Variants in HSF1 observed in about 807,000 individuals in gnomAD.
HSF1 encodes the protein heat shock transcription factor 1, also known as heat shock factor protein 1.
Under a neutral mutation model 51.7 loss-of-function variants are expected in HSF1, and 32 were observed. The ratio of observed to expected loss-of-function variants is 0.62; its 90% CI spans 0.47 to 0.83. The LOEUF (loss-of-function observed/expected upper bound fraction) is 0.83. HSF1 is among the 40% of genes least tolerant of loss of function. The pLI, the probability that HSF1 is intolerant of heterozygous loss-of-function variation, is 0.00. For synonymous variants in HSF1, 396 were observed against 309.7 expected, an observed-to-expected ratio of 1.28 and a Z score of -2.92; for missense variants, 727 against 717.0, an observed-to-expected ratio of 1.01 and a Z score of -0.16.
rs370311584 is a variant in HSF1, at chr8:144,312,251, G to A, written c.1142+7G>A. On this transcript the variant is annotated splice_region_variant and intron_variant, in intron 9 of 12. Coordinates refer to ENST00000528838, the MANE Select transcript of HSF1 (RefSeq NM_005526.4). ...GCGTAGCCTGCCTGGACAAGTGAGT[G>A]CCGCCCACCCCTGGCCCCACCCACA... 6.4e-7 allele frequency: 1 copy of A among 1,557,766 alleles called. No homozygotes were observed. Among genetic ancestry groups the A allele is most frequent in the Non-Finnish European group, 8.7e-7 (1 of 1,151,258 alleles).
At chr8:144,314,079 C>G (rs1442561669) in intron 12 of HSF1, 25 bp downstream of exon 12, 1 of 1,574,212 alleles carries the variant, frequency 6.4e-7, no homozygotes, top group East Asian at 2.3e-5. Context: ...ACCGGCCCCA[C>G]CTCTGCCCCC....
At chr8:144,312,372 C>T (rs1554845117) in intron 9 of HSF1, 128 bp downstream of exon 9, 13 of 755,294 alleles carry the variant, frequency 1.7e-5, no homozygotes, top group Non-Finnish European at 2.6e-5. Flanking sequence ...AACCTCGGAG[C>T]TCGGGGCTGG....
chr8:144,309,687 T>C lies in HSF1; in HGVS notation c.364-85T>C, dbSNP rs1439866926. The C allele has an allele frequency of 4.5e-6, 6 of 1,325,012 alleles. No homozygotes were observed. In the Admixed American group the frequency reaches 7.9e-5, roughly 17 times the overall value. 82.1% of individuals were successfully genotyped at this position (1,325,012 alleles called of 1,614,324 possible). ...GCTCCCACCCCAGCCTGCCCCTTCC[T>C]GAGGGACCTGGCTGCAGTGGACGAG... On this transcript the variant is annotated intron_variant, in intron 3 of 12. Transcript: ENST00000528838.
At chr8:144,309,086 A>T in intron 2 of HSF1, 72 bp downstream of exon 2, 1 of 1,191,706 alleles carries the variant, frequency 8.4e-7, no homozygotes, top group Non-Finnish European at 1.3e-6. Flanking sequence ...CAGCAGGAGG[A>T]CCCTGTGATG....
intron 4 of HSF1, chr8:144,310,165 C>T: frequency 2.3e-6 from 1 of 441,638 alleles, no homozygotes; most frequent in Non-Finnish European, 4.1e-6. Context: ...TTGGCTTCTG[C>T]CTGGCTCCGA....
At chr8:144,313,663 G>GCACCGCCTCCCCGCCTCCCCGCAC in intron 10 of HSF1, 47 bp downstream of exon 10, 1 of 92,136 alleles carries the variant, frequency 1.1e-5, no homozygotes, top group Admixed American at 1.4e-4. Context: ...CCTCCCCGCC[G>GCACCGCCTCCCCGCCTCCCCGCAC]CGCCGCCCCG....
rs145146111 is a variant in HSF1, at chr8:144,300,490, C to T, written c.118-8416C>T. Among the ~76,000 whole-genome samples, 1,269 of 152,218 alleles carry T rather than the reference C, an allele frequency of 8.3e-3. 22 individuals carry two copies. The highest frequency in any genetic ancestry group is 0.029 in the African/African-American group (1,198 of 41,542). ...CCTTGGCCTCCCAAAGTGTTGGGCG[C>T]GTCAGCCACCGCGCCCGGCCTGTTG... On this transcript the variant is annotated intron_variant, in intron 1 of 12. Coordinates refer to ENST00000528838, the MANE Select transcript of HSF1 (RefSeq NM_005526.4).
chr8:144,314,551 G>A lies in HSF1; in HGVS notation c.*221G>A. The A allele has an allele frequency of 1.7e-6, 1 of 589,712 alleles. No homozygotes were observed. The highest frequency in any genetic ancestry group is 3.0e-6 in the Non-Finnish European group (1 of 330,730). The allele number at this position is 589,712 out of a possible 1,614,324, so 36.5% of individuals were successfully genotyped here. On this transcript the variant is annotated 3_prime_UTR_variant, in exon 13 of 13. Coordinates refer to ENST00000528838, the MANE Select transcript of HSF1 (RefSeq NM_005526.4). ...CCCCGTGTCCTGTGGTTTGGTTGGGGCTTCACAGCCACACCTGGACTGACC... is the reference window on the plus strand; with the variant it reads ...CCCCGTGTCCTGTGGTTTGGTTGGGACTTCACAGCCACACCTGGACTGACC...
chr8:144,311,103 G>T, intron 4 of HSF1, 71 bp from the exon 5 acceptor site: 1 of 1,403,602 alleles, frequency 7.1e-7, no homozygotes. Flanking sequence ...GGACAGGGAG[G>T]GTCTGTGGGG....
intron 1 of HSF1, among the ~76,000 whole-genome samples, chr8:144,304,288 G>A (rs1458259935): frequency 2.6e-5 from 4 of 152,194 alleles, no homozygotes; most frequent in Admixed American, 1.3e-4. Flanking sequence ...ATTTTACTCC[G>A]TAAGTGTTCA....
chr8:144,298,561 C>T (rs1476857579), intron 1 of HSF1, among the ~76,000 whole-genome samples: 2 of 150,406 alleles, frequency 1.3e-5, no homozygotes, highest in Non-Finnish European at 2.9e-5. Flanking sequence ...GCCGAGATTG[C>T]GCCGCTGCGC....
chr8:144,314,605 T>C lies in HSF1; in HGVS notation c.*275T>C. 1.9e-6 allele frequency: 1 copy of C among 520,676 alleles called. No homozygotes were observed. The highest frequency in any genetic ancestry group is 3.5e-6 in the Non-Finnish European group (1 of 288,356). The allele number at this position is 520,676 out of a possible 1,614,324, so 32.3% of individuals were successfully genotyped here. On this transcript the variant is annotated 3_prime_UTR_variant, in exon 13 of 13. Coordinates refer to ENST00000528838, the MANE Select transcript of HSF1 (RefSeq NM_005526.4). ...CAGGTTGTTCATAGTCAGAATTGTA[T>C]TTTGGATTTTTACACAACTGTCCCG... is the stretch of plus-strand genomic sequence containing the variant.
Position 144,314,523 on chromosome 8 carries a change from C to T in HSF1, c.*193C>T, listed in dbSNP as rs11538908. On this transcript the variant is annotated 3_prime_UTR_variant, in exon 13 of 13. Transcript: ENST00000528838. ...CCTGGCCTGCCAGTCTGCCTTCCCC[C>T]AACCCCGTGTCCTGTGGTTTGGTTG... is the stretch of plus-strand genomic sequence containing the variant. 1.7e-6 allele frequency: 1 copy of T among 604,446 alleles called. No homozygotes were observed. The highest frequency in any genetic ancestry group is 2.8e-5 in the East Asian group (1 of 36,062). The allele number at this position is 604,446 out of a possible 1,614,324, so 37.4% of individuals were successfully genotyped here.
At position 144,311,946 on chromosome 8, in the gene HSF1, G is replaced by A; in HGVS notation, c.861-17G>A. On this transcript the variant is annotated splice_polypyrimidine_tract_variant and intron_variant, in intron 8 of 12. Transcript: ENST00000528838. ...GCTGGCCGAGACGCCAGCTCACCTG[G>A]CCCCCCTCGTGTGCAGGCCCCTATC... 1 of 1,580,078 alleles carries A rather than the reference G, an allele frequency of 6.3e-7. No homozygotes were observed. Among genetic ancestry groups the A allele is most frequent in the South Asian group, 1.1e-5 (1 of 88,534 alleles).
chr8:144,314,434 C>T lies in HSF1; in HGVS notation c.*104C>T, dbSNP rs1250940302. ...CGGTCTTGGGCACTGGTGGGTCGGC[C>T]GCCATAGCCCCAGTAGGACAAACGG... On this transcript the variant is annotated 3_prime_UTR_variant, in exon 13 of 13. Transcript: ENST00000528838. The T allele has an allele frequency of 2.1e-6, 2 of 956,080 alleles. No individual in the cohort carries two copies. Among genetic ancestry groups the T allele is most frequent in the African/African-American group, 1.6e-5 (1 of 60,848 alleles). 59.2% of individuals were successfully genotyped at this position (956,080 alleles called of 1,614,324 possible).
At chr8:144,312,677 C>T (rs1554845227) in intron 9 of HSF1, 3 of 1,535,548 alleles carry the variant, frequency 2.0e-6, no homozygotes, top group East Asian at 2.4e-5. Context: ...CTTCCCCTGC[C>T]CCTCTTCCTC....
intron 1 of HSF1, among the ~76,000 whole-genome samples, chr8:144,306,121 A>G (rs1297466581): frequency 6.6e-6 from 1 of 152,120 alleles, no homozygotes; most frequent in East Asian, 1.9e-4. Context: ...CTCTTTATTG[A>G]TACTCTCTGA....
chr8:144,301,701 T>C (rs1445680185), intron 1 of HSF1, among the ~76,000 whole-genome samples: 5 of 151,686 alleles, frequency 3.3e-5, no homozygotes, highest in South Asian at 2.1e-4. Context: ...CCCGTCTCTA[T>C]TGAAAATACA....
intron 1 of HSF1, among the ~76,000 whole-genome samples, chr8:144,296,930 G>T (rs376140850): frequency 6.6e-6 from 1 of 151,980 alleles, no homozygotes; most frequent in East Asian, 1.9e-4. Context: ...GGTGTGGTGG[G>T]GGGGGTGCGG....
Sources: gnomAD v4.1 joint callset for allele counts (sites outside exome capture counted in the v4.1 genomes callset) on GRCh38, gnomAD v4.1.1 for gene constraint, MANE v1.5 for transcripts, NCBI Gene and HGNC (gene_info 2026-07-23, HGNC 2026-07-21) for gene names.